PRRX2: variants seen among roughly 807,000 people sequenced by gnomAD.
PRRX2 encodes the protein paired related homeobox 2.
PRRX2 carries 11 observed loss-of-function variants against 18.0 expected under a neutral mutation model. The ratio of observed to expected loss-of-function variants is 0.61; its 90% CI spans 0.39 to 1.01. The LOEUF (loss-of-function observed/expected upper bound fraction) is 1.01, where lower values mean the gene tolerates loss of function less well. Among genes scored for constraint, PRRX2 ranks in the 50% least tolerant of loss-of-function variants. The probability of loss-of-function intolerance (pLI) is 0.01; values close to 1 mark genes in which losing one functional copy is unlikely to be tolerated. For synonymous variants in PRRX2, 177 were observed against 154.8 expected, an observed-to-expected ratio of 1.14 and a Z score of -1.06; for missense variants, 387 against 351.0, an observed-to-expected ratio of 1.10 and a Z score of -0.82.
At position 129,679,899 on chromosome 9, in the gene PRRX2, C is replaced by A. The variant is rs573856179; in HGVS notation, c.259+13773C>A. Among the ~76,000 whole-genome samples, 587 of 152,228 alleles carry A rather than the reference C, an allele frequency of 3.9e-3. 4 individuals are homozygous for A. The highest frequency in any genetic ancestry group is 0.014 in the African/African-American group (565 of 41,532). ...GGGATAGGACACGCTGGGGAGTGGC[C>A]CGGCTCTGCTGTGGAGATTCTGGCC... On this transcript the variant is annotated intron_variant, in intron 1 of 3. Transcript: ENST00000372469.
At position 129,665,946 on chromosome 9, in the gene PRRX2, G is replaced by T; in HGVS notation, c.79G>T (p.Gly27Trp). 1 of 1,132,062 alleles carries T rather than the reference G, an allele frequency of 8.8e-7. No homozygotes were observed. Among genetic ancestry groups the T allele is most frequent in the South Asian group, 2.4e-5 (1 of 42,484 alleles). 70.1% of individuals were successfully genotyped at this position (1,132,062 alleles called of 1,614,324 possible). A position where few individuals can be genotyped will look rare whatever the true frequency, so the allele number is the denominator to read the frequency against. The change falls in exon 1 of 4, where the codon GGG becomes TGG. Residue 27 changes from glycine to tryptophan, a missense_variant. Coordinates refer to ENST00000372469, the MANE Select transcript of PRRX2 (RefSeq NM_016307.4). This position sits in a 1 kb window ranked among gnomAD's most constrained non-coding sequence, Gnocchi z 5.3. ...GCCGCCGCCGCCTCCACCCGCGCTG[G>T]GGCCCGGCGACTGCGCCCAGGCGCG... ...PGPPPPPPAL[G>W]PGDCAQARKN... is the part of the protein sequence containing the mutation.
At chr9:129,684,518 A>C (rs4837400) in intron 1 of PRRX2, among the ~76,000 whole-genome samples, 1,374 of 38,410 alleles carry the variant, frequency 0.036, 40 homozygotes, top group Admixed American at 0.16. Context: ...ACACACACAC[A>C]CACACCCACA....
chr9:129,691,331 C>CAA lies in PRRX2; in HGVS notation c.259+25216_259+25217dup, dbSNP rs57839880. Among the ~76,000 whole-genome samples, 677 of 142,388 alleles carry CAA rather than the reference C, an allele frequency of 4.8e-3. 6 individuals carry two copies. The highest frequency in any genetic ancestry group is 0.017 in the African/African-American group (648 of 39,030). 93.4% of individuals were successfully genotyped at this position (142,388 alleles called of 152,430 possible). On this transcript the variant is annotated intron_variant, in intron 1 of 3. Transcript: ENST00000372469. ...AGCCTGCATGACAAAGCGACTCTGT[C>CAA]AAAAAAAAAAAATTATATAAACTTA...
chr9:129,674,199 C>T (rs1373767845), intron 1 of PRRX2, among the ~76,000 whole-genome samples: 1 of 152,148 alleles, frequency 6.6e-6, no homozygotes, highest in Non-Finnish European at 1.5e-5. Flanking sequence ...GCTCTGTGTC[C>T]CTTCCACATC....
intron 1 of PRRX2, among the ~76,000 whole-genome samples, chr9:129,681,979 C>T (rs1564146664): frequency 6.6e-6 from 1 of 152,108 alleles, no homozygotes; most frequent in Non-Finnish European, 1.5e-5. Context: ...CCTGTGGCGC[C>T]GAGAATTTTC....
In PRRX2 at chr9:129,676,304, A is replaced by G. The variant is rs1407461116; in HGVS notation, c.259+10178A>G. ...CTCCAGCCCCACCTCTGGCCCGCTG[A>G]GGGACCATGGCTAGTTTCTCTCTAA... On this transcript the variant is annotated intron_variant, in intron 1 of 3. Transcript: ENST00000372469. Among the ~76,000 whole-genome samples the G allele has an allele frequency of 3.3e-5, 5 of 152,330 alleles. No homozygotes were observed. The South Asian group carries it at 1.0e-3, about 32-fold the overall frequency.
At chr9:129,672,375 G>A (rs1459141982) in intron 1 of PRRX2, among the ~76,000 whole-genome samples, 3 of 152,200 alleles carry the variant, frequency 2.0e-5, no homozygotes, top group South Asian at 2.1e-4. Context: ...CCTGCCAGCC[G>A]TGTGAAGCCC....
rs372437113 is a variant in PRRX2 at position 129,682,290 on chromosome 9, A to C, written c.259+16164A>C. ...CAGAGAGATAGGAAGCACTTCACAA[A>C]GTCCTGGCACAGATGTCCCCGCCGC... On this transcript the variant is annotated intron_variant, in intron 1 of 3. Coordinates refer to ENST00000372469, the MANE Select transcript of PRRX2 (RefSeq NM_016307.4). Among the ~76,000 whole-genome samples, 29 of 151,486 alleles carry C rather than the reference A, an allele frequency of 1.9e-4. 1 individual carries two copies. The East Asian group carries it at 2.5e-3, about 13-fold the overall frequency.
intron 1 of PRRX2, among the ~76,000 whole-genome samples, chr9:129,683,602 A>G (rs936885676): frequency 7.3e-5 from 11 of 151,714 alleles, no homozygotes; most frequent in Middle Eastern, 3.2e-3. Context: ...GGGCGTGGTG[A>G]CGGGCACCTG....
At chr9:129,719,968 C>A (rs1178545522) in intron 2 of PRRX2, among the ~76,000 whole-genome samples, 2 of 151,928 alleles carry the variant, frequency 1.3e-5, no homozygotes, top group African/African-American at 4.8e-5. Flanking sequence ...GCCTGGGTGA[C>A]AGAGTGAGAC....
intron 1 of PRRX2, among the ~76,000 whole-genome samples, chr9:129,713,758 G>C (rs1198952487): frequency 6.6e-6 from 1 of 151,720 alleles, no homozygotes; most frequent in Non-Finnish European, 1.5e-5. Flanking sequence ...GGCCTCCTGA[G>C]TAGCTGGAAT....
chr9:129,675,779 C>T lies in PRRX2; in HGVS notation c.259+9653C>T, dbSNP rs567185702. On this transcript the variant is annotated intron_variant, in intron 1 of 3. Coordinates refer to ENST00000372469, the MANE Select transcript of PRRX2 (RefSeq NM_016307.4). The surrounding 1 kb of genome is among the most constrained non-coding windows in gnomAD (Gnocchi z 4.4). ...ATGGCTGCAAACCTCGGAATCAAAGCGGGAGCCGCCAGGCGGGCGCGCCTG... is the reference window on the plus strand; with the variant it reads ...ATGGCTGCAAACCTCGGAATCAAAGTGGGAGCCGCCAGGCGGGCGCGCCTG... Among the ~76,000 whole-genome samples, 724 of 152,350 alleles carry T rather than the reference C, an allele frequency of 4.8e-3. 1 individual carries two copies. The highest frequency in any genetic ancestry group is 5.8e-3 in the Non-Finnish European group (394 of 68,024).
intron 1 of PRRX2, among the ~76,000 whole-genome samples, chr9:129,687,667 G>A (rs1385279789): frequency 1.3e-5 from 2 of 152,310 alleles, no homozygotes; most frequent in East Asian, 3.9e-4. Flanking sequence ...TGATCGCTGC[G>A]CCAACTCCGT....
At chr9:129,712,412 C>T (rs990841828) in intron 1 of PRRX2, among the ~76,000 whole-genome samples, 6 of 152,156 alleles carry the variant, frequency 3.9e-5, no homozygotes, top group Non-Finnish European at 8.8e-5. Context: ...TTAATTCCCT[C>T]CAGACTATTT....
chr9:129,688,779 G>A (rs1832324355), intron 1 of PRRX2, among the ~76,000 whole-genome samples: 1 of 152,192 alleles, frequency 6.6e-6, no homozygotes, highest in Non-Finnish European at 1.5e-5. Context: ...GGCATCAGGA[G>A]AGGGCTTTTC....
chr9:129,720,983 A>ATG (rs144360786), intron 3 of PRRX2, among the ~76,000 whole-genome samples: 16 of 151,126 alleles, frequency 1.1e-4, no homozygotes, highest in Admixed American at 5.9e-4. Context: ...AAGAGTTGGC[A>ATG]TGTGTGTGTG....
chr9:129,695,907 C>G lies in PRRX2; in HGVS notation c.260-23324C>G, dbSNP rs908058834. On this transcript the variant is annotated intron_variant, in intron 1 of 3. Coordinates refer to ENST00000372469, the MANE Select transcript of PRRX2 (RefSeq NM_016307.4). This position sits in a 1 kb window ranked among gnomAD's most constrained non-coding sequence, Gnocchi z 4.8. The stretch of plus-strand genomic sequence containing the variant: ...TGTAAGCAGCTCAGAAAAAAACACT[C>G]TTCTCCCATTTTAAGGGTGAACATG... Among the ~76,000 whole-genome samples, 1 of 152,172 alleles carries G rather than the reference C, an allele frequency of 6.6e-6. No homozygotes were observed. The highest frequency in any genetic ancestry group is 6.5e-5 in the Admixed American group (1 of 15,272).
chr9:129,702,163 T>C (rs534780534), intron 1 of PRRX2, among the ~76,000 whole-genome samples: 171 of 151,842 alleles, frequency 1.1e-3, no homozygotes, highest in African/African-American at 4.0e-3. Context: ...TTTGGGAGGC[T>C]GAGGCGGGTG....
intron 1 of PRRX2, among the ~76,000 whole-genome samples, chr9:129,703,518 C>T (rs911198113): frequency 6.6e-6 from 1 of 152,200 alleles, no homozygotes; most frequent in African/African-American, 2.4e-5. Context: ...CCCCTGATCA[C>T]TGGCAGTGGT....
Sources: allele counts gnomAD v4.1 joint callset (sites outside exome capture counted in the v4.1 genomes callset), GRCh38; gene constraint gnomAD v4.1.1; non-coding constraint Gnocchi (gnomAD v3.1); transcripts MANE v1.5; gene names NCBI Gene and HGNC (gene_info 2026-07-23, HGNC 2026-07-21).